TMC2: variants seen among roughly 807,000 people sequenced by gnomAD.
TMC2 encodes the protein transmembrane channel like 2.
TMC2 carries 102 observed loss-of-function variants against 105.9 expected under a neutral mutation model. That is an observed-to-expected ratio of 0.96 (90% confidence interval 0.82 to 1.14). The LOEUF is 1.14. TMC2 is among the 50% of genes most tolerant of loss of function. The pLI is 0.00. For missense variants in TMC2, 1,093 were observed against 1,134.3 expected (o/e 0.96, Z 0.52); for synonymous variants, 402 against 422.8 (o/e 0.95, Z 0.60).
chr20:2,558,822 C>T lies in TMC2; in HGVS notation c.401+48C>T, dbSNP rs1469282146. On this transcript the variant is annotated intron_variant, in intron 3 of 19. Coordinates refer to ENST00000358864, the MANE Select transcript of TMC2 (RefSeq NM_080751.3). The surrounding 1 kb of genome is among the most constrained non-coding windows in gnomAD (Gnocchi z 4.6). ...GGCATTCGCTCCGCGCGCTCCCGCT[C>T]CTTCGCGGCCCTTCCCCTTCCCCCG... 4 of 1,472,790 alleles carry T rather than the reference C, an allele frequency of 2.7e-6. No individual in the cohort carries two copies. Among genetic ancestry groups the T allele is most frequent in the Non-Finnish European group, 3.6e-6 (4 of 1,109,304 alleles). The allele number at this position is 1,472,790 out of a possible 1,614,324, so 91.2% of individuals were successfully genotyped here. A position where few individuals can be genotyped will look rare whatever the true frequency, so the allele number is the denominator to read the frequency against.
At chr20:2,629,157 T>C (rs1405700691) in intron 17 of TMC2, among the ~76,000 whole-genome samples, 2 of 152,202 alleles carry the variant, frequency 1.3e-5, no homozygotes, top group African/African-American at 4.8e-5. Context: ...TTTATCATAT[T>C]TACTCAACCA....
At chr20:2,636,138 A>T in intron 18 of TMC2, 134 bp downstream of exon 18, 1 of 699,506 alleles carries the variant, frequency 1.4e-6, no homozygotes, top group Non-Finnish European at 2.6e-6. Flanking sequence ...TATCTGTATT[A>T]TGGGAAGTAG....
In TMC2 at chr20:2,635,998, C is replaced by G; in HGVS notation, c.2379C>G (p.Ile793Met). 1.2e-6 allele frequency: 2 copies of G among 1,613,794 alleles called. No individual in the cohort carries two copies. Among genetic ancestry groups the G allele is most frequent in the Non-Finnish European group, 1.7e-6 (2 of 1,179,680 alleles). Residue 793 changes from isoleucine (I) to methionine (M), a missense_variant, in exon 18 of 20, where the codon ATC becomes ATG. Physicochemically the swap from Ile to Met is conservative, Grantham distance 10 (BLOSUM62 1). Coordinates refer to ENST00000358864, the MANE Select transcript of TMC2 (RefSeq NM_080751.3). ...SRANAQLRKK[I>M]QVLREVEKSH... is the part of the protein sequence containing the mutation. Reference sequence around the variant, plus strand: ...CTAATGCCCAGCTGAGGAAGAAAATCCAAGTGGTGAGTCTGTTGGGAGTTT... The same window carrying G: ...CTAATGCCCAGCTGAGGAAGAAAATGCAAGTGGTGAGTCTGTTGGGAGTTT...
intron 12 of TMC2, among the ~76,000 whole-genome samples, chr20:2,611,626 G>A (rs555183720): frequency 6.6e-6 from 1 of 152,096 alleles, no homozygotes; most frequent in Non-Finnish European, 1.5e-5. Context: ...CTCACAGCTC[G>A]TATCAGTCTG....
chr20:2,596,892 C>T (rs1452423582), intron 9 of TMC2, among the ~76,000 whole-genome samples: 1 of 151,946 alleles, frequency 6.6e-6, no homozygotes, highest in African/African-American at 2.4e-5. Flanking sequence ...AACATGGTCA[C>T]GTGTCTTGTC....
chr20:2,553,860 T>A (rs2085970990), intron 2 of TMC2, among the ~76,000 whole-genome samples: 1 of 152,168 alleles, frequency 6.6e-6, no homozygotes, highest in African/African-American at 2.4e-5. Context: ...TCAAGTTGTC[T>A]GCAATACTCC....
At position 2,641,350 on chromosome 20, in the gene TMC2, G is replaced by A. The variant is rs2086688027; in HGVS notation, c.2720G>A (p.Ter907=). 3 of 1,608,136 alleles carry A rather than the reference G, an allele frequency of 1.9e-6. No homozygotes were observed. The African/African-American group carries it at 4.0e-5, about 22-fold the overall frequency. The change falls in exon 20 of 20, where the codon TGA becomes TAA. Residue 907 remains the stop codon, a stop_retained_variant. Transcript: ENST00000358864. Reference sequence around the variant, plus strand: ...AAGAGTGCTCAGAGACCTCCCCACTGATGGCTAGGACTCCAGGGAGCCTCG... The same window carrying A: ...AAGAGTGCTCAGAGACCTCCCCACTAATGGCTAGGACTCCAGGGAGCCTCG... ...SGKSAQRPPH[*] is the part of the protein sequence containing the mutation.
At chr20:2,569,445 A>G (rs1362811253) in intron 4 of TMC2, among the ~76,000 whole-genome samples, 1 of 152,174 alleles carries the variant, frequency 6.6e-6, no homozygotes, top group Non-Finnish European at 1.5e-5. Flanking sequence ...CAGTGGGTTT[A>G]TTGGATATAC....
intron 7 of TMC2, among the ~76,000 whole-genome samples, chr20:2,586,721 G>A (rs6107002): frequency 0.06 from 9,135 of 152,134 alleles, 902 homozygotes; most frequent in African/African-American, 0.2. Flanking sequence ...TCGTGATCCA[G>A]TATGTCCCAC....
intron 16 of TMC2, among the ~76,000 whole-genome samples, chr20:2,620,438 T>G (rs575544616): frequency 2.6e-5 from 4 of 152,334 alleles, no homozygotes; most frequent in African/African-American, 9.6e-5. Flanking sequence ...ACTAATCGTG[T>G]GACTAATGCA....
chr20:2,600,522 AC>A (rs1427722766), intron 10 of TMC2, among the ~76,000 whole-genome samples: 1 of 152,156 alleles, frequency 6.6e-6, no homozygotes, highest in African/African-American at 2.4e-5. Context: ...TACTAAAGAT[AC>A]AAAAATTAGC....
intron 14 of TMC2, among the ~76,000 whole-genome samples, chr20:2,615,803 C>T (rs909675139): frequency 1.1e-4 from 17 of 152,122 alleles, no homozygotes; most frequent in Admixed American, 7.2e-4. Context: ...CTGATTAAAA[C>T]GTTGATAAAA....
intron 11 of TMC2, among the ~76,000 whole-genome samples, chr20:2,607,534 C>T (rs1162693283): frequency 6.6e-6 from 1 of 152,196 alleles, no homozygotes; most frequent in East Asian, 1.9e-4. Flanking sequence ...CAGAGTTCCT[C>T]ACAGTGTCAG....
At chr20:2,553,073 A>G (rs1486832173) in intron 2 of TMC2, among the ~76,000 whole-genome samples, 1 of 152,176 alleles carries the variant, frequency 6.6e-6, no homozygotes, top group East Asian at 1.9e-4. Context: ...TTTTGTTCCC[A>G]TTTAGTCTAC....
chr20:2,548,252 A>G (rs1231755105), intron 2 of TMC2, among the ~76,000 whole-genome samples: 1 of 152,258 alleles, frequency 6.6e-6, no homozygotes, highest in Non-Finnish European at 1.5e-5. Flanking sequence ...GCCCAAACAT[A>G]TAACTTCTCT....
At chr20:2,600,097 G>C (rs2086339946) in intron 10 of TMC2, among the ~76,000 whole-genome samples, 1 of 152,228 alleles carries the variant, frequency 6.6e-6, no homozygotes, top group Admixed American at 6.5e-5. Context: ...GGGTAGGGGT[G>C]ACTGGGGGCT....
At chr20:2,545,822 GAAGA>G (rs56859666) in intron 2 of TMC2, among the ~76,000 whole-genome samples, 42,477 of 117,546 alleles carry the variant, frequency 0.36, 7,385 homozygotes, top group Admixed American at 0.46. Context: ...AGAGGAAGAG[GAAGA>G]AAGAAAGAAA....
At chr20:2,543,828 C>G (rs182685715) in intron 2 of TMC2, among the ~76,000 whole-genome samples, 16 of 151,954 alleles carry the variant, frequency 1.1e-4, no homozygotes, top group African/African-American at 2.7e-4. Context: ...GAGAGGTCAT[C>G]ATTTCATATC....
intron 5 of TMC2, 99 bp downstream of exon 5, chr20:2,572,368 C>T: frequency 1.2e-6 from 1 of 865,062 alleles, no homozygotes. Flanking sequence ...CATTTGTGTC[C>T]AGCTGCCCCC....
Sources: allele counts gnomAD v4.1 joint callset (sites outside exome capture counted in the v4.1 genomes callset), GRCh38; gene constraint gnomAD v4.1.1; non-coding constraint Gnocchi (gnomAD v3.1); transcripts MANE v1.5; gene names NCBI Gene and HGNC (gene_info 2026-07-23, HGNC 2026-07-21).